The following FOCAD variants were observed in gnomAD, a reference collection of about 807,000 sequenced individuals.
The protein encoded by FOCAD is focadhesin.
A neutral mutation model predicts 225.6 loss-of-function variants in FOCAD; 198 were observed. The ratio of observed to expected loss-of-function variants is 0.88; its 90% confidence interval spans 0.78 to 0.99. FOCAD has a LOEUF of 0.99. FOCAD is among the 50% of genes least tolerant of loss of function. The pLI is 0.00. For missense variants in FOCAD, 2,713 were observed against 2,123.6 expected (o/e 1.28, Z -5.46); for synonymous variants, 897 against 755.0 (o/e 1.19, Z -3.08).
chr9:20,774,810 C>G (rs776611353), intron 8 of FOCAD, among the ~76,000 whole-genome samples: 4 of 152,136 alleles, frequency 2.6e-5, no homozygotes, highest in Non-Finnish European at 5.9e-5. Flanking sequence ...CTATTTATGT[C>G]TCTCATTTGC....
chr9:20,749,379 T>C (rs1035468932), intron 5 of FOCAD, among the ~76,000 whole-genome samples: 2 of 152,184 alleles, frequency 1.3e-5, no homozygotes, highest in Non-Finnish European at 1.5e-5. Context: ...GATGCATTTG[T>C]CTTAAAATTG....
Position 20,740,332 on chromosome 9 carries a change from T to C in FOCAD, c.384T>C (p.Tyr128=). 2 of 1,553,842 alleles carry C rather than the reference T, an allele frequency of 1.3e-6. No individual in the cohort carries two copies. The highest frequency in any genetic ancestry group is 1.7e-6 in the Non-Finnish European group (2 of 1,145,156). The change falls in exon 5 of 44, where the codon TAT becomes TAC. Residue 128 remains tyrosine (Y), a synonymous_variant. Transcript: ENST00000338382. ...QGGEKNIQSI[Y]TIRNHPHPLI... ...GGGAAAAGAATATTCAGAGTATATA[T>C]ACCATTAGGTAAGCCTTTTTTCTGT...
At chr9:20,702,125 T>C (rs1824007125) in intron 1 of FOCAD, among the ~76,000 whole-genome samples, 1 of 151,796 alleles carries the variant, frequency 6.6e-6, no homozygotes, top group Non-Finnish European at 1.5e-5. Flanking sequence ...TTATTAGCTA[T>C]AGGGCATTGT....
intron 4 of FOCAD, among the ~76,000 whole-genome samples, chr9:20,723,986 G>T (rs947002344): frequency 6.6e-6 from 1 of 152,108 alleles, no homozygotes; most frequent in South Asian, 2.1e-4. Context: ...AAGAGAGAGA[G>T]GGGGAGGTCC....
rs776608645 is a variant in FOCAD, at chr9:20,929,524, C to T, written c.3245C>T (p.Ser1082Phe). The change falls in exon 27 of 44, where the codon TCT becomes TTT. Residue 1082 changes from serine (S) to phenylalanine (F), a missense_variant. By Grantham distance (155) the Ser-to-Phe change is radical. Transcript: ENST00000338382. The stretch of plus-strand genomic sequence containing the variant: ...CCTGGGAAACCAAGTGCTGATGAGT[C>T]TCAAGCCGTGCAAATCCACATGGGC... ...RLPGKPSADESQAVQIHMGLA... is the reference protein window; with the variant it reads ...RLPGKPSADEFQAVQIHMGLA... 5.0e-6 allele frequency: 8 copies of T among 1,614,032 alleles called. No homozygotes were observed. Among genetic ancestry groups the T allele is most frequent in the Non-Finnish European group, 6.8e-6 (8 of 1,180,018 alleles).
rs145398574 is a variant in FOCAD, at chr9:20,951,538, T to C, written c.4051+440T>C. Reference sequence around the variant, plus strand: ...TTACTAGATGTAATGGTAGTTTGTATAGTATTCATGTTTCATTAAAAGTCT... The same window carrying C: ...TTACTAGATGTAATGGTAGTTTGTACAGTATTCATGTTTCATTAAAAGTCT... On this transcript the variant is annotated intron_variant, in intron 34 of 43. Coordinates refer to ENST00000338382, the MANE Select transcript of FOCAD (RefSeq NM_001375567.1). 7.8e-4 allele frequency among the ~76,000 whole-genome samples: 119 copies of C among 152,330 alleles called. 1 individual carries two copies. The highest frequency in any genetic ancestry group is 2.7e-3 in the African/African-American group (113 of 41,568).
intron 15 of FOCAD, among the ~76,000 whole-genome samples, chr9:20,851,505 A>G (rs921955317): frequency 2.0e-5 from 3 of 151,834 alleles, no homozygotes; most frequent in African/African-American, 7.2e-5. Context: ...TCCAGGGCTT[A>G]TTGCTGTCAC....
intron 11 of FOCAD, among the ~76,000 whole-genome samples, chr9:20,806,434 A>G (rs1822463748): frequency 6.6e-6 from 1 of 152,152 alleles, no homozygotes; most frequent in Admixed American, 6.5e-5. Flanking sequence ...CTAATTTTGT[A>G]GGCGGCTTGT....
intron 19 of FOCAD, among the ~76,000 whole-genome samples, chr9:20,881,245 A>G (rs1830643049): frequency 6.6e-6 from 1 of 152,220 alleles, no homozygotes; most frequent in South Asian, 2.1e-4. Flanking sequence ...ACTGACTTAA[A>G]TATCAACTTT....
chr9:20,729,762 G>C (rs994181874), intron 4 of FOCAD, among the ~76,000 whole-genome samples: 3 of 152,104 alleles, frequency 2.0e-5, no homozygotes, highest in African/African-American at 7.2e-5. Context: ...CAGCCTTTCA[G>C]CTCTAGCTTT....
At chr9:20,734,352 C>G (rs906388109) in intron 4 of FOCAD, among the ~76,000 whole-genome samples, 2 of 152,108 alleles carry the variant, frequency 1.3e-5, no homozygotes, top group Non-Finnish European at 2.9e-5. Flanking sequence ...CCAACTAACC[C>G]CAGTGACATT....
At position 20,918,860 on chromosome 9, in the gene FOCAD, G is replaced by GA. The variant is rs557721484; in HGVS notation, c.2852+1929dup. ...CTGAGAGATTGGTGATAGAGCAGGGGAAAAAATCATTCTGTCACCCTCTCT... is the reference window on the plus strand; with the variant it reads ...CTGAGAGATTGGTGATAGAGCAGGGGAAAAAAATCATTCTGTCACCCTCTCT... On this transcript the variant is annotated intron_variant, in intron 24 of 43. Transcript: ENST00000338382. Among the ~76,000 whole-genome samples, 6 of 152,320 alleles carry GA rather than the reference G, an allele frequency of 3.9e-5. No homozygotes were observed. In the South Asian group the frequency reaches 1.0e-3, roughly 26 times the overall value.
chr9:20,909,551 G>A (rs1201771896), intron 22 of FOCAD, among the ~76,000 whole-genome samples: 2 of 152,038 alleles, frequency 1.3e-5, no homozygotes, highest in Non-Finnish European at 2.9e-5. Context: ...TGCTATTAAG[G>A]TGATGGTTGG....
At chr9:20,808,214 T>C (rs926983246) in intron 11 of FOCAD, among the ~76,000 whole-genome samples, 19 of 152,200 alleles carry the variant, frequency 1.2e-4, no homozygotes, top group Admixed American at 4.6e-4. Flanking sequence ...CTGACAGGTG[T>C]CTTTGGTGGC....
intron 27 of FOCAD, 26 bp from the exon 28 acceptor site, chr9:20,932,988 A>G (rs754090717): frequency 7.8e-6 from 12 of 1,540,412 alleles, no homozygotes; most frequent in Non-Finnish European, 9.9e-6. Flanking sequence ...TAAATAATTC[A>G]TTGTTTCCCC....
At chr9:20,748,672 G>C (rs1449382359) in intron 5 of FOCAD, among the ~76,000 whole-genome samples, 2 of 152,064 alleles carry the variant, frequency 1.3e-5, no homozygotes, top group African/African-American at 4.8e-5. Context: ...TACTTTTCAA[G>C]GGCCATCTGT....
chr9:20,883,607 T>C (rs1217687493), intron 20 of FOCAD, among the ~76,000 whole-genome samples: 1 of 152,146 alleles, frequency 6.6e-6, no homozygotes, highest in East Asian at 1.9e-4. Flanking sequence ...TACCATGATA[T>C]CTCCAGTTGG....
chr9:20,944,655 G>C lies in FOCAD; in HGVS notation c.3436G>C (p.Val1146Leu), dbSNP rs1393259548. 6.2e-7 allele frequency: 1 copy of C among 1,613,836 alleles called. No individual in the cohort carries two copies. The highest frequency in any genetic ancestry group is 8.5e-7 in the Non-Finnish European group (1 of 1,179,922). Residue 1146 changes from valine (V) to leucine (L), a missense_variant, in exon 29 of 44, where the codon GTT becomes CTT. Transcript: ENST00000338382. ...NTGCILGVGL[V>L]LSLMSHSSQM... ...GGGCTGTATATTGGGAGTTGGACTT[G>C]TTCTGTCCCTCATGAGCCACAGCAG...
At chr9:20,969,705 T>TAA (rs56107848) in intron 35 of FOCAD, among the ~76,000 whole-genome samples, 39 of 129,464 alleles carry the variant, frequency 3.0e-4, no homozygotes, top group Middle Eastern at 7.9e-3. Context: ...AACAAAAATA[T>TAA]AAAAAAATAT....
Sources: allele counts gnomAD v4.1 joint callset (sites outside exome capture counted in the v4.1 genomes callset), GRCh38; gene constraint gnomAD v4.1.1; transcripts MANE v1.5; gene names NCBI Gene and HGNC (gene_info 2026-07-23, HGNC 2026-07-21).